The following ANK2 variants were observed in gnomAD, a reference collection of about 807,000 sequenced individuals.
ANK2 encodes the protein ankyrin 2.
In ANK2, 83 loss-of-function variants were observed where a neutral mutation model predicts 360.5. That is an observed-to-expected ratio of 0.23 (90% confidence interval 0.19 to 0.28). ANK2 has a LOEUF of 0.28. Ranked by LOEUF, ANK2 falls within the 10% of genes least tolerant of loss-of-function variation. ANK2 has a pLI of 1.00. For missense variants in ANK2, 4,201 were observed against 4,795.7 expected, an observed-to-expected ratio of 0.88 and a Z score of 3.66; for synonymous variants, 1,740 against 1,759.5, an observed-to-expected ratio of 0.99 and a Z score of 0.28.
At chr4:113,249,589 C>T (rs1040295461) in intron 9 of ANK2, among the ~76,000 whole-genome samples, 175 bp from the exon 10 acceptor site, 2 of 152,194 alleles carry the variant, frequency 1.3e-5, no homozygotes, top group African/African-American at 4.8e-5. Context: ...AGATGTACTT[C>T]TGACTTGTTT....
intron 1 of ANK2, among the ~76,000 whole-genome samples, chr4:112,853,226 A>G (rs2065468498): frequency 6.6e-6 from 1 of 151,874 alleles, no homozygotes; most frequent in Non-Finnish European, 1.5e-5. Context: ...GCACTACCAC[A>G]CCTGGCTATT....
chr4:112,824,523 T>C (rs1317183817), intron 1 of ANK2, among the ~76,000 whole-genome samples: 9 of 117,494 alleles, frequency 7.7e-5, no homozygotes, highest in Non-Finnish European at 1.1e-4. Context: ...TTTTTTTTTT[T>C]AGACGGAGTC....
At chr4:113,350,776 G>A (rs972850730) in intron 37 of ANK2, 5 of 152,754 alleles carry the variant, frequency 3.3e-5, no homozygotes, top group African/African-American at 9.7e-5. Context: ...GTGGTGAAGT[G>A]TAACCAATGT....
At chr4:113,302,717 T>C in intron 22 of ANK2, 50 bp from the exon 23 acceptor site, 1 of 1,458,052 alleles carries the variant, frequency 6.9e-7, no homozygotes, top group Non-Finnish European at 9.6e-7. Context: ...TTTTCATCTT[T>C]TGTTTACTTT....
chr4:112,743,554 C>CTTTTTTTTTTTTT, the ANK2 span, among the ~76,000 whole-genome samples: 1 of 105,880 alleles, frequency 9.4e-6, no homozygotes. Flanking sequence ...CTTTTCTATC[C>CTTTTTTTTTTTTT]TTTTTTTTTT....
At chr4:112,822,258 A>AC (rs1553927541) in intron 1 of ANK2, among the ~76,000 whole-genome samples, 2,597 of 138,060 alleles carry the variant, frequency 0.019, 79 homozygotes, top group African/African-American at 0.072. Context: ...AAAAAAAAAA[A>AC]AAAACAAAAA....
intron 31 of ANK2, among the ~76,000 whole-genome samples, chr4:113,338,134 T>A (rs952854470): frequency 6.6e-6 from 1 of 152,238 alleles, no homozygotes; most frequent in African/African-American, 2.4e-5. Flanking sequence ...CATGTAGTTA[T>A]GCTGAGTATG....
chr4:112,826,793 G>A (rs2058500152), intron 1 of ANK2: 3 of 1,054,720 alleles, frequency 2.8e-6, no homozygotes, highest in Non-Finnish European at 4.3e-6. Context: ...AAATTCTGTT[G>A]CTTCAAGCAT....
chr4:112,754,561 G>A, the ANK2 span, among the ~76,000 whole-genome samples: 1 of 151,254 alleles, frequency 6.6e-6, no homozygotes, highest in South Asian at 2.1e-4. Context: ...GAGTTCCAGG[G>A]GCTAAAAGTC....
At chr4:112,804,163 C>T in the ANK2 span, among the ~76,000 whole-genome samples, 1 of 152,064 alleles carries the variant, frequency 6.6e-6, no homozygotes, top group African/African-American at 2.4e-5. Context: ...GAACTACAGG[C>T]GCCTGCCACC....
chr4:112,959,056 G>T (rs2033184542), intron 2 of ANK2, among the ~76,000 whole-genome samples: 2 of 151,860 alleles, frequency 1.3e-5, no homozygotes, highest in South Asian at 4.2e-4. Context: ...CACCATGTTG[G>T]CCAGGCTGGT....
In ANK2 at chr4:113,354,996, C is replaced by T. The variant is rs747417416; in HGVS notation, c.6378C>T (p.Ile2126=). 6.2e-7 allele frequency: 1 copy of T among 1,614,034 alleles called. No individual in the cohort carries two copies. The highest frequency in any genetic ancestry group is 8.5e-7 in the Non-Finnish European group (1 of 1,179,968). Residue 2126 remains isoleucine, a synonymous_variant, in exon 38 of 46, where the codon ATC becomes ATT. Coordinates refer to ENST00000357077, the MANE Select transcript of ANK2 (RefSeq NM_001148.6). ...AGCAGGGAGACATGGATCTACAGAT[C>T]AGCCCAGATAGGAAAACCTCCACTG... ...ADEQGDMDLQ[I]SPDRKTSTDF...
At chr4:113,222,550 A>G (rs140123910) in intron 4 of ANK2, among the ~76,000 whole-genome samples, 117 of 152,050 alleles carry the variant, frequency 7.7e-4, no homozygotes, top group African/African-American at 2.5e-3. Context: ...ATCCTTATTG[A>G]AAAGGGCAGC....
At chr4:112,822,778 A>T (rs2057485460) in intron 1 of ANK2, among the ~76,000 whole-genome samples, 1 of 151,786 alleles carries the variant, frequency 6.6e-6, no homozygotes, top group African/African-American at 2.4e-5. Context: ...AAAACAAAAC[A>T]AAGAAAGAAA....
intron 1 of ANK2, among the ~76,000 whole-genome samples, chr4:113,081,618 T>C (rs1302222091): frequency 6.6e-6 from 1 of 152,196 alleles, no homozygotes; most frequent in Non-Finnish European, 1.5e-5. Context: ...ACTCTTGCCT[T>C]GTTCTCCTAC....
Position 113,317,475 on chromosome 4 carries a change from T to C in ANK2, c.2694-232T>C, listed in dbSNP as rs2083502952. On this transcript the variant is annotated intron_variant, in intron 24 of 45. Coordinates refer to ENST00000357077, the MANE Select transcript of ANK2 (RefSeq NM_001148.6). ...GAATCAGATTAGGAGTATCAAATTT[T>C]AACTTCTGGATTCCCTTGTGCTCTT... is the stretch of plus-strand genomic sequence containing the variant. 3 of 554,238 alleles carry C rather than the reference T, an allele frequency of 5.4e-6. No individual in the cohort carries two copies. In the Admixed American group the frequency reaches 8.7e-5, roughly 16 times the overall value. 34.3% of individuals were successfully genotyped at this position (554,238 alleles called of 1,614,324 possible). A position where few individuals can be genotyped will look rare whatever the true frequency, so the allele number is the denominator to read the frequency against.
the ANK2 span, among the ~76,000 whole-genome samples, chr4:112,789,128 G>A: frequency 1.3e-5 from 2 of 152,032 alleles, no homozygotes; most frequent in African/African-American, 4.8e-5. Flanking sequence ...CTCTCATAAA[G>A]AAGTTGTTGT....
chr4:112,774,553 GACTA>G, the ANK2 span, among the ~76,000 whole-genome samples: 10 of 152,242 alleles, frequency 6.6e-5, no homozygotes, highest in South Asian at 2.1e-4. Context: ...CTAACGAACT[GACTA>G]ACTAACTCCT....
At chr4:112,959,311 A>C (rs575038544) in intron 2 of ANK2, among the ~76,000 whole-genome samples, 1 of 152,256 alleles carries the variant, frequency 6.6e-6, no homozygotes, top group Admixed American at 6.5e-5. Context: ...CTTAACCCTT[A>C]ATGAAGCAGA....
Sources: allele counts gnomAD v4.1 joint callset (sites outside exome capture counted in the v4.1 genomes callset), GRCh38; gene constraint gnomAD v4.1.1; transcripts MANE v1.5; gene names NCBI Gene and HGNC (gene_info 2026-07-23, HGNC 2026-07-21).